Variants in PARP8 observed in about 807,000 individuals in gnomAD.
PARP8 encodes protein mono-ADP-ribosyltransferase PARP8.
Under a neutral mutation model 124.1 loss-of-function variants are expected in PARP8, and 51 were observed. The observed-to-expected ratio is 0.41, with a 90% confidence interval of 0.33 to 0.52. The LOEUF (loss-of-function observed/expected upper bound fraction) is 0.52. Ranked by LOEUF, PARP8 falls within the 20% of genes least tolerant of loss-of-function variation. PARP8 has a pLI of 0.21. For missense variants in PARP8, 860 were observed against 1,018.9 expected, an observed-to-expected ratio of 0.84 and a Z score of 2.12; for synonymous variants, 391 against 361.5, an observed-to-expected ratio of 1.08 and a Z score of -0.93.
At position 50,747,163 on chromosome 5, in the gene PARP8, G is replaced by GTTTTTTTTTTT. The variant is rs1211253892; in HGVS notation, c.147-2981_147-2971dup. Among the ~76,000 whole-genome samples, 147 of 95,498 alleles carry GTTTTTTTTTTT rather than the reference G, an allele frequency of 1.5e-3. 1 individual carries two copies. Among genetic ancestry groups the GTTTTTTTTTTT allele is most frequent in the Non-Finnish European group, 2.0e-3 (96 of 48,836 alleles). 62.7% of individuals were successfully genotyped at this position (95,498 alleles called of 152,430 possible). ...ATGGTTTTTTTTGTTTGTTTGTTTT[G>GTTTTTTTTTTT]TTTTTTTTTTTTTTTTTGTCTCTTC... On this transcript the variant is annotated intron_variant, in intron 2 of 25. Coordinates refer to ENST00000281631, the MANE Select transcript of PARP8 (RefSeq NM_024615.4).
At position 50,842,363 on chromosome 5, in the gene PARP8, A is replaced by C. The variant is rs1200978343; in HGVS notation, c.*295A>C. 8.7e-6 allele frequency: 2 copies of C among 230,626 alleles called. No individual in the cohort carries two copies. The allele number at this position is 230,626 out of a possible 1,614,324, so 14.3% of individuals were successfully genotyped here. ...AAAACTGTTTTGTGCTGATATTTTTATACTAAACTCTTTAACTGGATATTT... is the reference window on the plus strand; with the variant it reads ...AAAACTGTTTTGTGCTGATATTTTTCTACTAAACTCTTTAACTGGATATTT... On this transcript the variant is annotated 3_prime_UTR_variant, in exon 26 of 26. Transcript: ENST00000281631.
At chr5:50,745,891 C>T (rs1758488889) in intron 2 of PARP8, among the ~76,000 whole-genome samples, 1 of 152,112 alleles carries the variant, frequency 6.6e-6, no homozygotes, top group Non-Finnish European at 1.5e-5. Flanking sequence ...GTACATTTCC[C>T]CCCAGCTTGT....
intron 15 of PARP8, among the ~76,000 whole-genome samples, chr5:50,818,264 C>A (rs2149695377): frequency 7.2e-6 from 1 of 139,832 alleles, no homozygotes; most frequent in Admixed American, 7.8e-5. Context: ...GAGCCTCTTT[C>A]TGTCACCCAG....
intron 9 of PARP8, among the ~76,000 whole-genome samples, chr5:50,783,464 A>G (rs1287107058): frequency 6.6e-6 from 1 of 152,218 alleles, no homozygotes; most frequent in Non-Finnish European, 1.5e-5. Context: ...CATAAATGCT[A>G]TCGTGCTATA....
In PARP8 at chr5:50,819,427, C is replaced by CTTTTTTTTTTT. The variant is rs34347134; in HGVS notation, c.1669-1766_1669-1756dup. ...GTCTCAGAAAAGGCTATTTTATCTTCTTTTTTTTTTTTTTTTTTTTTTTTT... is the reference window on the plus strand; with the variant it reads ...GTCTCAGAAAAGGCTATTTTATCTTCTTTTTTTTTTTTTTTTTTTTTTTTTTTTTTTTTTTT... On this transcript the variant is annotated intron_variant, in intron 15 of 25. Coordinates refer to ENST00000281631, the MANE Select transcript of PARP8 (RefSeq NM_024615.4). 4.5e-4 allele frequency among the ~76,000 whole-genome samples: 21 copies of CTTTTTTTTTTT among 46,652 alleles called. 2 individuals are homozygous for CTTTTTTTTTTT. Among genetic ancestry groups the CTTTTTTTTTTT allele is most frequent in the African/African-American group, 7.6e-4 (8 of 10,584 alleles). The allele number at this position is 46,652 out of a possible 152,430, so 30.6% of individuals were successfully genotyped here.
At chr5:50,722,432 G>A (rs1165369810) in intron 2 of PARP8, among the ~76,000 whole-genome samples, 3 of 152,132 alleles carry the variant, frequency 2.0e-5, no homozygotes, top group South Asian at 2.1e-4. Flanking sequence ...TGAAGCCTTA[G>A]CCGATAGTGG....
intron 3 of PARP8, among the ~76,000 whole-genome samples, chr5:50,753,421 T>C (rs775318831): frequency 3.9e-5 from 6 of 152,120 alleles, no homozygotes; most frequent in Non-Finnish European, 8.8e-5. Context: ...CTATACAGTC[T>C]ATATCAAATT....
intron 3 of PARP8, among the ~76,000 whole-genome samples, chr5:50,752,035 C>A (rs183795305): frequency 6.6e-6 from 1 of 152,094 alleles, no homozygotes; most frequent in East Asian, 1.9e-4. Flanking sequence ...AAGTTGGCAG[C>A]TTTGTCCCTT....
intron 3 of PARP8, chr5:50,757,281 C>T: frequency 2.5e-6 from 1 of 393,286 alleles, no homozygotes; most frequent in South Asian, 1.8e-5. Context: ...AAAAAACAGG[C>T]CAATAATCAG....
At chr5:50,682,474 G>A (rs1380965828) in intron 2 of PARP8, among the ~76,000 whole-genome samples, 1 of 151,888 alleles carries the variant, frequency 6.6e-6, no homozygotes, top group Non-Finnish European at 1.5e-5. Flanking sequence ...TCTACTTACT[G>A]GAGAGAAAGA....
intron 12 of PARP8, 122 bp from the exon 13 acceptor site, chr5:50,796,860 A>G (rs914889162): frequency 1.2e-6 from 1 of 829,032 alleles, no homozygotes; most frequent in Non-Finnish European, 1.8e-6. Flanking sequence ...CAGTGACTCA[A>G]TTCATATTTC....
At chr5:50,818,142 T>A (rs1745310477) in intron 15 of PARP8, among the ~76,000 whole-genome samples, 2 of 151,998 alleles carry the variant, frequency 1.3e-5, no homozygotes. Context: ...ATCTTTAATT[T>A]TAAATCGTTG....
At chr5:50,668,875 G>A (rs1040715324) in intron 2 of PARP8, 2 of 152,228 alleles carry the variant, frequency 1.3e-5, no homozygotes, top group African/African-American at 4.8e-5. Context: ...AAGAGCAGTA[G>A]CCACATATGA....
intron 2 of PARP8, among the ~76,000 whole-genome samples, chr5:50,679,746 T>C (rs1338046444): frequency 6.6e-6 from 1 of 152,214 alleles, no homozygotes; most frequent in Non-Finnish European, 1.5e-5. Context: ...ATGTTTCTGC[T>C]GACAGTGGCA....
intron 2 of PARP8, among the ~76,000 whole-genome samples, 199 bp from the exon 3 acceptor site, chr5:50,749,952 T>C (rs535774442): frequency 6.6e-6 from 1 of 152,254 alleles, no homozygotes; most frequent in Non-Finnish European, 1.5e-5. Context: ...CCATTTAGAC[T>C]AATGGAAAGT....
intron 2 of PARP8, 22 bp downstream of exon 2, chr5:50,668,147 C>T (rs368223986): frequency 2.6e-5 from 40 of 1,560,428 alleles, no homozygotes; most frequent in Admixed American, 3.3e-5. Flanking sequence ...TATAGAGTTG[C>T]TTCATTTCCT....
chr5:50,693,266 T>C (rs1291223700), intron 2 of PARP8, among the ~76,000 whole-genome samples: 1 of 152,216 alleles, frequency 6.6e-6, no homozygotes, highest in Non-Finnish European at 1.5e-5. Flanking sequence ...AGCCTTTTCT[T>C]ACCCTTAGTA....
At chr5:50,685,831 T>A (rs886618146) in intron 2 of PARP8, among the ~76,000 whole-genome samples, 5 of 152,150 alleles carry the variant, frequency 3.3e-5, no homozygotes, top group Non-Finnish European at 7.4e-5. Context: ...AGAGAGCTTG[T>A]GCAGCAAAAC....
At chr5:50,821,596 C>T (rs1213828688) in intron 16 of PARP8, among the ~76,000 whole-genome samples, 3 of 152,144 alleles carry the variant, frequency 2.0e-5, no homozygotes, top group Non-Finnish European at 2.9e-5. Flanking sequence ...TTCCTCTTTC[C>T]CTTCTTCCTC....
Sources: gnomAD v4.1 joint callset for allele counts (sites outside exome capture counted in the v4.1 genomes callset) on GRCh38, gnomAD v4.1.1 for gene constraint, MANE v1.5 for transcripts, NCBI Gene and HGNC (gene_info 2026-07-23, HGNC 2026-07-21) for gene names.